Variants in TECPR1 observed in about 807,000 individuals in gnomAD.
TECPR1 encodes tectonin beta-propeller repeat-containing protein 1.
Under a neutral mutation model 162.4 loss-of-function variants are expected in TECPR1, and 122 were observed. That is an observed-to-expected ratio of 0.75 (90% CI 0.65 to 0.87). The LOEUF (loss-of-function observed/expected upper bound fraction) is 0.87. Among genes scored for constraint, TECPR1 ranks in the 40% least tolerant of loss-of-function variants. The pLI is 0.00. For missense variants in TECPR1, 1,432 were observed against 1,618.2 expected, an observed-to-expected ratio of 0.88 and a Z score of 1.97; for synonymous variants, 642 against 670.6, an observed-to-expected ratio of 0.96 and a Z score of 0.66.
chr7:98,235,849 A>AAAAAAAAAAAAAAAAAAAAAACAAC lies in TECPR1; in HGVS notation c.1181+926_1181+927insGTTGTTTTTTTTTTTTTTTTTTTTT. 1.6e-3 allele frequency among the ~76,000 whole-genome samples: 176 copies of AAAAAAAAAAAAAAAAAAAAAACAAC among 109,964 alleles called. 21 individuals are homozygous for AAAAAAAAAAAAAAAAAAAAAACAAC. The highest frequency in any genetic ancestry group is 2.6e-3 in the Non-Finnish European group (124 of 48,366). 72.1% of individuals were successfully genotyped at this position (109,964 alleles called of 152,430 possible). A position where few individuals can be genotyped will look rare whatever the true frequency, so the allele number is the denominator to read the frequency against. On this transcript the variant is annotated intron_variant, in intron 10 of 25. Coordinates refer to ENST00000447648, the MANE Select transcript of TECPR1 (RefSeq NM_015395.3). The stretch of plus-strand genomic sequence containing the variant: ...TCTCAAAAAAAAAAAAAAAAAAAAA[A>AAAAAAAAAAAAAAAAAAAAAACAAC]AACACCATCTGAGCAGACTAAACCC...
In TECPR1 at chr7:98,217,679, G is replaced by C; in HGVS notation, c.3384+13C>G. On this transcript the variant is annotated intron_variant, in intron 25 of 25. Transcript: ENST00000447648. ...AGGTGATAACACAGCCCAAGGCCGC[G>C]GGCCCCGCTCACCCCGATGCCGTAG... 4 of 1,533,310 alleles carry C rather than the reference G, an allele frequency of 2.6e-6. No individual in the cohort carries two copies. The highest frequency in any genetic ancestry group is 2.6e-6 in the Non-Finnish European group (3 of 1,137,052). The allele number at this position is 1,533,310 out of a possible 1,614,324, so 95.0% of individuals were successfully genotyped here. A position where few individuals can be genotyped will look rare whatever the true frequency, so the allele number is the denominator to read the frequency against.
At position 98,243,587 on chromosome 7, in the gene TECPR1, G is replaced by A. The variant is rs1157093637; in HGVS notation, c.537C>T (p.Pro179=). The stretch of plus-strand genomic sequence containing the variant: ...GCAGCTCCTTGGGGTCATCCTTCGA[G>A]GGGATCTGAAGGAAGGAAGTGAGAA... ...YKSRDIWAKI[P]SKDDPKELPD... is the part of the protein sequence containing the mutation. Residue 179 remains proline, a synonymous_variant, in exon 6 of 26, where the codon CCC becomes CCT. Coordinates refer to ENST00000447648, the MANE Select transcript of TECPR1 (RefSeq NM_015395.3). The A allele has an allele frequency of 6.8e-6, 11 of 1,612,158 alleles. No individual in the cohort carries two copies. Among genetic ancestry groups the A allele is most frequent in the Non-Finnish European group, 9.3e-6 (11 of 1,179,536 alleles).
Position 98,229,161 on chromosome 7 carries a change from C to G in TECPR1, c.2288G>C (p.Trp763Ser). 6.4e-7 allele frequency: 1 copy of G among 1,558,824 alleles called. No homozygotes were observed. The highest frequency in any genetic ancestry group is 1.9e-5 in the Admixed American group (1 of 51,788). ...CCGCAGGTGGCCTCCCATCTGCCGC[C>G]AAAACCTGGAAGGATGGGAGAGGGC... ...EHPLPCDQMF[W>S]RQMGGHLRMV... Residue 763 changes from tryptophan (W) to serine (S), a missense_variant, in exon 16 of 26, where the codon TGG becomes TCG. By Grantham distance (177) the Trp-to-Ser change is radical (BLOSUM62 -3). Coordinates refer to ENST00000447648, the MANE Select transcript of TECPR1 (RefSeq NM_015395.3).
rs912892294 is a variant in TECPR1 at position 98,244,556 on chromosome 7, T to C, written c.531+15A>G. On this transcript the variant is annotated intron_variant, in intron 5 of 25. Coordinates refer to ENST00000447648, the MANE Select transcript of TECPR1 (RefSeq NM_015395.3). ...GGCCCTATCCTGCCCCCAACCCACA[T>C]TCAGGAACAGAGACCTTGGCCCAGA... 2.5e-6 allele frequency: 4 copies of C among 1,597,806 alleles called. No homozygotes were observed. The South Asian group carries it at 3.4e-5, about 13-fold the overall frequency.
chr7:98,245,952 G>A lies in TECPR1; in HGVS notation c.195C>T (p.Ile65=). 1.2e-6 allele frequency: 2 copies of A among 1,605,310 alleles called. No homozygotes were observed. Among genetic ancestry groups the A allele is most frequent in the Non-Finnish European group, 1.7e-6 (2 of 1,176,702 alleles). The change falls in exon 3 of 26, where the codon ATC becomes ATT. Residue 65 remains isoleucine (I), a synonymous_variant. Coordinates refer to ENST00000447648, the MANE Select transcript of TECPR1 (RefSeq NM_015395.3). The stretch of plus-strand genomic sequence containing the variant: ...TCTCATAGGCCTCCTCTCGGCGGCG[G>A]ATGGGGACATCGCTGGCACACACAT... ...YVYVCASDVP[I]RRREEAYENQ...
chr7:98,243,729 A>G (rs1022585650), intron 5 of TECPR1, 137 bp from the exon 6 acceptor site: 9 of 1,224,266 alleles, frequency 7.4e-6, no homozygotes, highest in Non-Finnish European at 1.0e-5. Flanking sequence ...CAGGGAAGGC[A>G]GCATCAGGAC....
At chr7:98,226,158 C>T (rs1451882640) in intron 17 of TECPR1, among the ~76,000 whole-genome samples, 2 of 152,166 alleles carry the variant, frequency 1.3e-5, no homozygotes, top group Non-Finnish European at 1.5e-5. Flanking sequence ...TCCGTCGGAA[C>T]TGAGGAGGAC....
chr7:98,230,666 C>T (rs1366251527), intron 15 of TECPR1, among the ~76,000 whole-genome samples: 2 of 152,082 alleles, frequency 1.3e-5, no homozygotes, highest in Non-Finnish European at 2.9e-5. Context: ...GCCTGGAAGC[C>T]CCCTGGGGTG....
chr7:98,230,443 C>T (rs990960026), intron 15 of TECPR1, among the ~76,000 whole-genome samples: 3 of 152,062 alleles, frequency 2.0e-5, no homozygotes, highest in African/African-American at 4.8e-5. Flanking sequence ...CAGTGCCAAA[C>T]GTCAAGTCCT....
intron 23 of TECPR1, among the ~76,000 whole-genome samples, chr7:98,219,642 C>T (rs1798096562): frequency 1.3e-5 from 2 of 152,236 alleles, no homozygotes; most frequent in Non-Finnish European, 1.5e-5. Context: ...TGGCTCATGC[C>T]TTTAATCCCA....
intron 16 of TECPR1, 132 bp from the exon 17 acceptor site, chr7:98,228,248 A>C (rs530033897): frequency 2.8e-6 from 2 of 722,426 alleles, no homozygotes; most frequent in African/African-American, 3.5e-5. Flanking sequence ...AGAGGAGCAA[A>C]CAGTCCTGTT....
At chr7:98,242,763 C>G (rs111219772) in intron 6 of TECPR1, among the ~76,000 whole-genome samples, 1 of 141,222 alleles carries the variant, frequency 7.1e-6, no homozygotes, top group African/African-American at 2.7e-5. Context: ...ACCCACCCAC[C>G]CATCCACCCA....
At chr7:98,226,342 C>G (rs1368334996) in intron 17 of TECPR1, 1 of 654,616 alleles carries the variant, frequency 1.5e-6, no homozygotes. Flanking sequence ...TATTTACACA[C>G]AGGGACATCC....
intron 17 of TECPR1, among the ~76,000 whole-genome samples, chr7:98,225,499 C>T (rs756864569): frequency 2.0e-4 from 30 of 151,408 alleles, no homozygotes; most frequent in African/African-American, 5.6e-4. Flanking sequence ...CGTGCCACTA[C>T]GCCACTGCAC....
intron 3 of TECPR1, 116 bp downstream of exon 3, chr7:98,245,806 G>A (rs566774566): frequency 1.1e-6 from 1 of 950,602 alleles, no homozygotes; most frequent in Admixed American, 2.3e-5. Flanking sequence ...GGAAGGAAAT[G>A]AAGGCAGGAA....
chr7:98,238,402 TGG>T, intron 9 of TECPR1, 105 bp downstream of exon 9: 1 of 887,652 alleles, frequency 1.1e-6, no homozygotes, highest in Non-Finnish European at 1.8e-6. Flanking sequence ...TACAATGGAG[TGG>T]GGGGCTCTCC....
chr7:98,221,899 G>A (rs947735404), intron 22 of TECPR1, 146 bp from the exon 23 acceptor site: 8 of 651,794 alleles, frequency 1.2e-5, no homozygotes, highest in South Asian at 3.8e-5. Context: ...GTGCCCTGCC[G>A]TCCACCCAGC....
chr7:98,228,285 G>A (rs2116559205), intron 16 of TECPR1, among the ~76,000 whole-genome samples, 169 bp from the exon 17 acceptor site: 1 of 152,246 alleles, frequency 6.6e-6, no homozygotes, highest in Admixed American at 6.5e-5. Flanking sequence ...GGTCGGCCTG[G>A]CTTGGGTTTT....
rs369828698 is a variant in TECPR1, at chr7:98,241,052, G to A, written c.832+18C>T. On this transcript the variant is annotated intron_variant, in intron 7 of 25. Coordinates refer to ENST00000447648, the MANE Select transcript of TECPR1 (RefSeq NM_015395.3). This position sits in a 1 kb window ranked among gnomAD's most constrained non-coding sequence, Gnocchi z 5.0. Reference sequence around the variant, plus strand: ...TCCCCAGTACAGGGTATGTGGGTGGGGGAGCCGGGCTGCCCACCTTTGGGA... The same window carrying A: ...TCCCCAGTACAGGGTATGTGGGTGGAGGAGCCGGGCTGCCCACCTTTGGGA... 7.5e-5 allele frequency: 119 copies of A among 1,595,922 alleles called. No individual in the cohort carries two copies. The African/African-American group carries it at 1.4e-3, about 18-fold the overall frequency.
Sources: gnomAD v4.1 joint callset for allele counts (sites outside exome capture counted in the v4.1 genomes callset) on GRCh38, gnomAD v4.1.1 for gene constraint, Gnocchi (gnomAD v3.1) non-coding constraint, MANE v1.5 for transcripts, NCBI Gene and HGNC (gene_info 2026-07-23, HGNC 2026-07-21) for gene names.